ATE1: variants seen among roughly 807,000 people sequenced by gnomAD.
ATE1 encodes the protein arginyl-tRNA--protein transferase 1.
A neutral mutation model predicts 70.5 loss-of-function variants in ATE1; 36 were observed. The ratio of observed to expected loss-of-function variants is 0.51; its 90% CI spans 0.39 to 0.67. The LOEUF is 0.67. Ranked by LOEUF, ATE1 falls within the 30% of genes least tolerant of loss-of-function variation. ATE1 has a pLI of 0.00. For missense variants in ATE1, 593 were observed against 629.5 expected (o/e 0.94, Z 0.62); for synonymous variants, 232 against 219.3 (o/e 1.06, Z -0.51).
intron 8 of ATE1, among the ~76,000 whole-genome samples, chr10:121,868,982 C>T (rs561526129): frequency 5.9e-5 from 9 of 152,066 alleles, no homozygotes; most frequent in East Asian, 3.9e-4. Flanking sequence ...ACCCTGAAGA[C>T]GAATATGATT....
At position 121,841,109 on chromosome 10, in the gene ATE1, A is replaced by G; in HGVS notation, c.1130T>C (p.Leu377Ser). The G allele has an allele frequency of 6.4e-7, 1 of 1,574,570 alleles. No individual in the cohort carries two copies. The highest frequency in any genetic ancestry group is 2.3e-5 in the East Asian group (1 of 43,922). The change falls in exon 9 of 12, where the codon TTG (leucine) becomes TCG (serine). Residue 377 changes from leucine (L) to serine (S), a missense_variant. Leu to Ser is a moderately radical substitution (Grantham distance 145). This residue lies in a region of ATE1 where 467 missense variants were observed against 469.6 expected (regional missense o/e 0.99). Coordinates refer to ENST00000224652, the MANE Select transcript of ATE1 (RefSeq NM_001001976.3). Reference sequence around the variant, plus strand: ...TAGTGCAGAGTAGACGCCCAAAGACAAAAACGAATAATCAGGATCGTAGTA... The same window carrying G: ...TAGTGCAGAGTAGACGCCCAAAGACGAAAACGAATAATCAGGATCGTAGTA... ...YLYYDPDYSFLSLGVYSALRE... is the reference protein window; with the variant it reads ...YLYYDPDYSFSSLGVYSALRE...
chr10:121,747,717 T>C (rs1944426360), intron 11 of ATE1, among the ~76,000 whole-genome samples: 1 of 152,232 alleles, frequency 6.6e-6, no homozygotes, highest in Non-Finnish European at 1.5e-5. Flanking sequence ...CCTGCTTAGA[T>C]CCTGATACAC....
At chr10:121,759,400 T>A (rs1944940739) in intron 11 of ATE1, among the ~76,000 whole-genome samples, 1 of 152,108 alleles carries the variant, frequency 6.6e-6, no homozygotes, top group African/African-American at 2.4e-5. Flanking sequence ...TTCATGAGGT[T>A]TAAGGAAAGA....
At position 121,913,836 on chromosome 10, in the gene ATE1, C is replaced by T. The variant is rs1951539324; in HGVS notation, c.291G>A (p.Met97Ile). ...CCTCCCCTTTAGCTAGAAATTTCAA[C>T]ATTTTTTTCAAAACCTTCTTGTGAG... ...SKSHKKVLKK[M>I]LKFLAKGEVP... The change falls in exon 4 of 12, where the codon ATG becomes ATA. Residue 97 changes from methionine to isoleucine, a missense_variant. Coordinates refer to ENST00000224652, the MANE Select transcript of ATE1 (RefSeq NM_001001976.3). 2.5e-6 allele frequency: 4 copies of T among 1,613,270 alleles called. No individual in the cohort carries two copies. The highest frequency in any genetic ancestry group is 3.4e-6 in the Non-Finnish European group (4 of 1,179,408).
intron 7 of ATE1, among the ~76,000 whole-genome samples, chr10:121,873,119 T>G (rs943111935): frequency 6.6e-6 from 1 of 152,144 alleles, no homozygotes; most frequent in South Asian, 2.1e-4. Flanking sequence ...ATAACCTGCA[T>G]GATATTTGGC....
At chr10:121,751,282 C>A (rs1944568895) in intron 11 of ATE1, among the ~76,000 whole-genome samples, 1 of 152,174 alleles carries the variant, frequency 6.6e-6, no homozygotes, top group South Asian at 2.1e-4. Context: ...AATTTACATA[C>A]CATGTAATTC....
intron 3 of ATE1, among the ~76,000 whole-genome samples, chr10:121,918,816 G>T (rs570183344): frequency 8.8e-5 from 13 of 148,136 alleles, no homozygotes; most frequent in South Asian, 2.2e-4. Flanking sequence ...GGGCGGGGGT[G>T]GGGGGGACGT....
In ATE1 at chr10:121,741,997, A is replaced by G. The variant is rs1213571592; in HGVS notation, c.*1683T>C. The G allele has an allele frequency of 6.6e-6, 1 of 152,212 alleles. No homozygotes were observed. The highest frequency in any genetic ancestry group is 6.5e-5 in the Admixed American group (1 of 15,276). The allele number at this position is 152,212 out of a possible 1,614,324, so 9.4% of individuals were successfully genotyped here. On this transcript the variant is annotated 3_prime_UTR_variant, in exon 12 of 12. Transcript: ENST00000224652. ...TTCATTTTAGAGGAAAAAGAGAAAA[A>G]AGGCTCTATAGATTCTGAAGGCAGT...
intron 5 of ATE1, among the ~76,000 whole-genome samples, chr10:121,906,652 G>A (rs1426003010): frequency 6.6e-6 from 1 of 151,982 alleles, no homozygotes; most frequent in East Asian, 1.9e-4. Context: ...AGGCTGGAGT[G>A]CAGTGGCGTG....
chr10:121,924,589 A>G (rs566359268), intron 1 of ATE1, among the ~76,000 whole-genome samples: 1 of 151,622 alleles, frequency 6.6e-6, no homozygotes, highest in African/African-American at 2.4e-5. Context: ...AATCCCAGCT[A>G]CTCAAGAGGC....
chr10:121,776,999 T>C (rs920807289), intron 11 of ATE1, among the ~76,000 whole-genome samples: 1 of 152,224 alleles, frequency 6.6e-6, no homozygotes, highest in Non-Finnish European at 1.5e-5. Flanking sequence ...CATCATACAT[T>C]TGTGTAATGT....
intron 5 of ATE1, among the ~76,000 whole-genome samples, chr10:121,910,504 A>G (rs1364976478): frequency 6.6e-6 from 1 of 152,186 alleles, no homozygotes. Flanking sequence ...AAAAAATTTA[A>G]TGATAAACTG....
At chr10:121,865,711 C>T (rs1048736252) in intron 8 of ATE1, among the ~76,000 whole-genome samples, 3 of 152,170 alleles carry the variant, frequency 2.0e-5, no homozygotes, top group African/African-American at 7.2e-5. Context: ...AAGCTCTTTT[C>T]CCATAAAGCT....
intron 11 of ATE1, among the ~76,000 whole-genome samples, chr10:121,779,098 C>T (rs2135940942): frequency 6.6e-6 from 1 of 152,304 alleles, no homozygotes; most frequent in East Asian, 1.9e-4. Context: ...TACCCCACTA[C>T]TCTAGTTCTC....
At chr10:121,919,307 C>T (rs1343605786) in intron 3 of ATE1, among the ~76,000 whole-genome samples, 1 of 152,126 alleles carries the variant, frequency 6.6e-6, no homozygotes, top group African/African-American at 2.4e-5. Flanking sequence ...TCCAGATACA[C>T]CAGCACTTTG....
intron 11 of ATE1, among the ~76,000 whole-genome samples, chr10:121,765,680 T>C (rs1440133689): frequency 1.3e-5 from 2 of 152,144 alleles, no homozygotes; most frequent in African/African-American, 4.8e-5. Context: ...CACATTCATG[T>C]GGGGATTTTT....
intron 11 of ATE1, among the ~76,000 whole-genome samples, chr10:121,783,599 C>T (rs1453446943): frequency 6.6e-6 from 1 of 151,670 alleles, no homozygotes; most frequent in African/African-American, 2.4e-5. Context: ...TTCAATAAAA[C>T]TCTGTAGTTC....
At chr10:121,774,252 A>C (rs917472503) in intron 11 of ATE1, among the ~76,000 whole-genome samples, 1 of 152,184 alleles carries the variant, frequency 6.6e-6, no homozygotes, top group Non-Finnish European at 1.5e-5. Context: ...ACTTTTAAAA[A>C]CACGCATTAT....
intron 8 of ATE1, among the ~76,000 whole-genome samples, chr10:121,866,814 T>C (rs1172119909): frequency 7.1e-6 from 1 of 140,868 alleles, no homozygotes; most frequent in African/African-American, 2.7e-5. Context: ...CTATCTGCAC[T>C]CCAGCCTGGG....
Sources: allele counts gnomAD v4.1 joint callset (sites outside exome capture counted in the v4.1 genomes callset), GRCh38; gene constraint gnomAD v4.1.1; regional missense constraint gnomAD v4.1.1; transcripts MANE v1.5; gene names NCBI Gene and HGNC (gene_info 2026-07-23, HGNC 2026-07-21).